The following ROBO1 variants were observed in gnomAD, a reference collection of about 807,000 sequenced individuals.
ROBO1 encodes roundabout homolog 1.
Under a neutral mutation model 195.9 loss-of-function variants are expected in ROBO1, and 149 were observed. The ratio of observed to expected loss-of-function variants is 0.76; its 90% CI spans 0.67 to 0.87. The LOEUF (loss-of-function observed/expected upper bound fraction) is 0.87. Ranked by LOEUF, ROBO1 falls within the 40% of genes least tolerant of loss-of-function variation. The pLI is 0.00. For synonymous variants in ROBO1, 816 were observed against 733.2 expected (o/e 1.11, Z -1.82); for missense variants, 1,933 against 2,068.3 (o/e 0.93, Z 1.27).
At chr3:78,790,133 G>A (rs2083972469) in intron 4 of ROBO1, among the ~76,000 whole-genome samples, 1 of 152,074 alleles carries the variant, frequency 6.6e-6, no homozygotes, top group Non-Finnish European at 1.5e-5. Flanking sequence ...TCAGATGTCT[G>A]ACAGCTTTGT....
At chr3:78,634,997 G>GC (rs1303902679) in intron 23 of ROBO1, among the ~76,000 whole-genome samples, 1 of 151,960 alleles carries the variant, frequency 6.6e-6, no homozygotes, top group African/African-American at 2.4e-5. Flanking sequence ...GGGATGCATT[G>GC]CCCCCATCTA....
intron 2 of ROBO1, among the ~76,000 whole-genome samples, chr3:79,333,366 T>G (rs2034530587): frequency 6.6e-6 from 1 of 152,126 alleles, no homozygotes; most frequent in South Asian, 2.1e-4. Flanking sequence ...TTATCAATTA[T>G]CAAGCATGCG....
At chr3:79,592,342 T>C (rs1277210445) in intron 1 of ROBO1, among the ~76,000 whole-genome samples, 1 of 152,012 alleles carries the variant, frequency 6.6e-6, no homozygotes, top group Non-Finnish European at 1.5e-5. Flanking sequence ...ATCTGTAAGG[T>C]ATTACGATTA....
chr3:79,191,766 T>TA (rs1175888171), intron 2 of ROBO1, among the ~76,000 whole-genome samples: 2 of 151,494 alleles, frequency 1.3e-5, no homozygotes, highest in Admixed American at 6.6e-5. Flanking sequence ...TTAATTTTTC[T>TA]AAAAAAATCA....
chr3:78,875,140 T>A (rs868675542), intron 4 of ROBO1, among the ~76,000 whole-genome samples: 5 of 152,042 alleles, frequency 3.3e-5, no homozygotes, highest in Admixed American at 1.3e-4. Context: ...ATTTTAAAGT[T>A]CTGAAAAACA....
chr3:79,482,229 G>C (rs1482771689), intron 2 of ROBO1, among the ~76,000 whole-genome samples: 1 of 152,146 alleles, frequency 6.6e-6, no homozygotes, highest in African/African-American at 2.4e-5. Flanking sequence ...TGAAGATGTA[G>C]AAGATGCATT....
intron 1 of ROBO1, among the ~76,000 whole-genome samples, chr3:79,673,882 C>T (rs1946705370): frequency 6.6e-6 from 1 of 151,916 alleles, no homozygotes; most frequent in South Asian, 2.1e-4. Context: ...TTACCATAAG[C>T]TCAGATGTAA....
chr3:78,955,223 G>A (rs1475781927), intron 3 of ROBO1, among the ~76,000 whole-genome samples: 1 of 149,716 alleles, frequency 6.7e-6, no homozygotes, highest in Non-Finnish European at 1.5e-5. Flanking sequence ...GTGTCATGGG[G>A]GTTATACAGG....
chr3:79,269,191 G>A (rs2030283986), intron 2 of ROBO1, among the ~76,000 whole-genome samples: 1 of 151,630 alleles, frequency 6.6e-6, no homozygotes, highest in African/African-American at 2.4e-5. Flanking sequence ...TTACTCATAG[G>A]AGGATATGAT....
chr3:79,284,937 A>G (rs537830136), intron 2 of ROBO1, among the ~76,000 whole-genome samples: 1 of 152,282 alleles, frequency 6.6e-6, no homozygotes, highest in South Asian at 2.1e-4. Context: ...GAAAAAAAAA[A>G]GTACTATTTA....
intron 2 of ROBO1, among the ~76,000 whole-genome samples, chr3:79,422,204 ATAT>A (rs1350759158): frequency 1.3e-5 from 2 of 148,608 alleles, no homozygotes; most frequent in Admixed American, 6.8e-5. Flanking sequence ...ATTTTGTATC[ATAT>A]TATATATTTT....
chr3:78,693,873 A>G (rs2107877492), intron 8 of ROBO1, among the ~76,000 whole-genome samples: 1 of 152,326 alleles, frequency 6.6e-6, no homozygotes, highest in Non-Finnish European at 1.5e-5. Flanking sequence ...GCAAATAGGC[A>G]TGAGTCACCC....
At chr3:79,357,384 C>T (rs2035599623) in intron 2 of ROBO1, among the ~76,000 whole-genome samples, 1 of 152,102 alleles carries the variant, frequency 6.6e-6, no homozygotes, top group Non-Finnish European at 1.5e-5. Flanking sequence ...GTATGCGTTT[C>T]ATGTCAGAGA....
At chr3:78,807,577 T>C (rs1559876541) in intron 4 of ROBO1, among the ~76,000 whole-genome samples, 1 of 152,214 alleles carries the variant, frequency 6.6e-6, no homozygotes, top group Non-Finnish European at 1.5e-5. Context: ...GTAACAGTAT[T>C]ACAAGTAATA....
intron 4 of ROBO1, among the ~76,000 whole-genome samples, chr3:78,822,529 T>G (rs2108685865): frequency 6.6e-6 from 1 of 152,218 alleles, no homozygotes; most frequent in Non-Finnish European, 1.5e-5. Context: ...TACAATCTGG[T>G]GGATGAATTC....
chr3:79,623,919 A>G (rs1945088171), intron 1 of ROBO1, among the ~76,000 whole-genome samples: 1 of 152,180 alleles, frequency 6.6e-6, no homozygotes, highest in Non-Finnish European at 1.5e-5. Context: ...GTCAAAATGA[A>G]GGAAAAAATG....
At chr3:78,974,493 G>A (rs545986874) in intron 3 of ROBO1, among the ~76,000 whole-genome samples, 33 of 152,158 alleles carry the variant, frequency 2.2e-4, no homozygotes, top group African/African-American at 5.8e-4. Context: ...ATAGTTTTAC[G>A]AAATGCCACC....
chr3:79,277,387 T>G (rs1436494143), intron 2 of ROBO1, among the ~76,000 whole-genome samples: 2 of 152,148 alleles, frequency 1.3e-5, no homozygotes, highest in Non-Finnish European at 2.9e-5. Flanking sequence ...AAACTTCACA[T>G]GTTCTCACTT....
intron 2 of ROBO1, among the ~76,000 whole-genome samples, chr3:79,559,563 A>G (rs1942830528): frequency 2.0e-5 from 3 of 152,174 alleles, no homozygotes; most frequent in Admixed American, 6.6e-5. Flanking sequence ...AAGTGTAAGC[A>G]CCTATGCCTT....
Sources: gnomAD v4.1 joint callset for allele counts (sites outside exome capture counted in the v4.1 genomes callset) on GRCh38, gnomAD v4.1.1 for gene constraint, MANE v1.5 for transcripts, NCBI Gene and HGNC (gene_info 2026-07-23, HGNC 2026-07-21) for gene names.